EVC: variants seen among roughly 807,000 people sequenced by gnomAD.
EVC encodes the protein EvC ciliary complex subunit 1, also known as evC complex member EVC.
EVC carries 116 observed loss-of-function variants against 118.9 expected under a neutral mutation model. The ratio of observed to expected loss-of-function variants is 0.98; its 90% CI spans 0.84 to 1.14. The LOEUF is 1.14. Ranked by LOEUF, EVC falls within the 50% of genes most tolerant of loss-of-function variation. The pLI is 0.00. For synonymous variants in EVC, 619 were observed against 534.7 expected, an observed-to-expected ratio of 1.16 and a Z score of -2.18; for missense variants, 1,401 against 1,246.4, an observed-to-expected ratio of 1.12 and a Z score of -1.87.
chr4:5,759,514 G>A (rs925574058), intron 11 of EVC, among the ~76,000 whole-genome samples: 1 of 152,172 alleles, frequency 6.6e-6, no homozygotes, highest in African/African-American at 2.4e-5. Flanking sequence ...GGCGGCGGGG[G>A]TGGTTTCAGC....
At chr4:5,776,090 A>G (rs956834753) in intron 11 of EVC, among the ~76,000 whole-genome samples, 6 of 152,024 alleles carry the variant, frequency 3.9e-5, no homozygotes, top group Admixed American at 2.0e-4. Flanking sequence ...TTTCTCATGC[A>G]TAGAAATTAA....
At chr4:5,769,650 G>T (rs1378275998) in intron 11 of EVC, among the ~76,000 whole-genome samples, 3 of 152,068 alleles carry the variant, frequency 2.0e-5, no homozygotes, top group African/African-American at 7.3e-5. Flanking sequence ...CATTCCAGGG[G>T]CCACACAGCC....
chr4:5,770,831 G>T (rs1292189123), intron 11 of EVC, among the ~76,000 whole-genome samples: 1 of 152,010 alleles, frequency 6.6e-6, no homozygotes, highest in South Asian at 2.1e-4. Context: ...GGCCAACATG[G>T]CAAAACCCCA....
At chr4:5,758,227 G>A in intron 11 of EVC, 1 of 676,090 alleles carries the variant, frequency 1.5e-6, no homozygotes, top group Non-Finnish European at 2.7e-6. Context: ...AGAGCCTTTG[G>A]AGGGGGCGAG....
chr4:5,817,510 C>T (rs551874032), downstream of EVC, among the ~76,000 whole-genome samples: 140 of 152,284 alleles, frequency 9.2e-4, no homozygotes, highest in Non-Finnish European at 1.4e-3. Context: ...GCACCAGGGC[C>T]CCTGTGTCTT....
Position 5,751,188 on chromosome 4 carries a change from A to C in EVC, c.1099-1648A>C, listed in dbSNP as rs556298710. Among the ~76,000 whole-genome samples the C allele has an allele frequency of 1.1e-4, 17 of 152,270 alleles. No individual in the cohort carries two copies. In the East Asian group the frequency reaches 2.5e-3, roughly 23 times the overall value. ...TTTTGACTTACTTAATCCTCATGTC[A>C]AATCTGTGTGGCAAGGGTCAGGTGA... On this transcript the variant is annotated intron_variant, in intron 8 of 20. Coordinates refer to ENST00000264956, the MANE Select transcript of EVC (RefSeq NM_153717.3).
At chr4:5,720,731 G>A (rs1299219106) in intron 2 of EVC, among the ~76,000 whole-genome samples, 1 of 152,196 alleles carries the variant, frequency 6.6e-6, no homozygotes, top group African/African-American at 2.4e-5. Context: ...GGAAGCCTCT[G>A]CTGCTATCCC....
In EVC at chr4:5,711,216, A is replaced by C. The variant is rs1200577822; in HGVS notation, c.-165A>C. On this transcript the variant is annotated 5_prime_UTR_variant, in exon 1 of 21. Coordinates refer to ENST00000264956, the MANE Select transcript of EVC (RefSeq NM_153717.3). Reference sequence around the variant, plus strand: ...GCTCCTCCCTCCGGCTCGGCGAAGCAGGGAAGGGGAGAGAAGCAGGAGTCG... The same window carrying C: ...GCTCCTCCCTCCGGCTCGGCGAAGCCGGGAAGGGGAGAGAAGCAGGAGTCG... The C allele has an allele frequency of 6.5e-6, 2 of 308,608 alleles. No individual in the cohort carries two copies. The highest frequency in any genetic ancestry group is 1.2e-4 in the South Asian group (1 of 8,078). The allele number at this position is 308,608 out of a possible 1,614,324, so 19.1% of individuals were successfully genotyped here.
intron 14 of EVC, chr4:5,797,455 G>C: frequency 1.7e-6 from 1 of 603,992 alleles, no homozygotes; most frequent in South Asian, 1.9e-5. Flanking sequence ...TCGGAGATCA[G>C]GGTGTGGGCA....
At chr4:5,791,644 A>G (rs1026685119) in intron 12 of EVC, among the ~76,000 whole-genome samples, 1 of 152,180 alleles carries the variant, frequency 6.6e-6, no homozygotes, top group Non-Finnish European at 1.5e-5. Context: ...AGAAAAGAAT[A>G]GCCCCTCCCA....
At chr4:5,793,783 T>C in intron 13 of EVC, 66 bp downstream of exon 13, 3 of 1,272,102 alleles carry the variant, frequency 2.4e-6, no homozygotes, top group East Asian at 2.5e-5. Context: ...AGCCTCAGTG[T>C]CCTCATCTGT....
At chr4:5,821,709 A>T in the EVC span, 2 of 1,512,226 alleles carry the variant, frequency 1.3e-6, no homozygotes, top group South Asian at 1.2e-5. The surrounding 1 kb of genome is among the most constrained non-coding windows in gnomAD (Gnocchi z 4.4). Context: ...AGGAAAAGGG[A>T]TGGACATGAT....
rs372212939 is a variant in EVC, at chr4:5,800,444, AG to A, written c.2305-1505del. 4.3e-3 allele frequency among the ~76,000 whole-genome samples: 652 copies of A among 152,308 alleles called. 9 individuals carry two copies. The highest frequency in any genetic ancestry group is 0.015 in the African/African-American group (625 of 41,564). On this transcript the variant is annotated intron_variant, in intron 15 of 20. Transcript: ENST00000264956. ...GTATTCAGGGGCTTCCTGGAACACT[AG>A]TGCAAATGTGTGTGCCAGTGGGTAC...
intron 3 of EVC, among the ~76,000 whole-genome samples, chr4:5,729,817 C>A (rs192215953): frequency 1.3e-5 from 2 of 152,222 alleles, no homozygotes; most frequent in Admixed American, 1.3e-4. Flanking sequence ...TGGTGTTATG[C>A]CTATCAGGTA....
chr4:5,778,271 C>T (rs1242305403), intron 11 of EVC, among the ~76,000 whole-genome samples: 2 of 151,898 alleles, frequency 1.3e-5, no homozygotes, highest in African/African-American at 4.9e-5. Flanking sequence ...CAAGTCTTTG[C>T]TATTGTGAAT....
chr4:5,816,398 A>G (rs1433233332), downstream of EVC, among the ~76,000 whole-genome samples: 1 of 152,170 alleles, frequency 6.6e-6, no homozygotes, highest in African/African-American at 2.4e-5. Flanking sequence ...CACTTCCTGC[A>G]GGGTGCTCCC....
rs187407969 is a variant in EVC at position 5,755,304 on chromosome 4, G to T, written c.1465-960G>T. On this transcript the variant is annotated intron_variant, in intron 10 of 20. Transcript: ENST00000264956. This position sits in a 1 kb window ranked among gnomAD's most constrained non-coding sequence, Gnocchi z 4.1. The stretch of plus-strand genomic sequence containing the variant: ...GTGACCTTGGTGTCCCAGGGCCTCG[G>T]TACAGTCCTCGGAACGCCTCAGCGC... 6.6e-6 allele frequency among the ~76,000 whole-genome samples: 1 copy of T among 152,170 alleles called. No individual in the cohort carries two copies. The highest frequency in any genetic ancestry group is 1.5e-5 in the Non-Finnish European group (1 of 68,028).
At chr4:5,827,671 CACACGTGCATGCATGT>C in the EVC span, among the ~76,000 whole-genome samples, 3 of 151,892 alleles carry the variant, frequency 2.0e-5, no homozygotes, top group African/African-American at 7.3e-5. Context: ...TGCACACATA[CACACGTGCATGCATGT>C]ACACATGCAC....
intron 2 of EVC, among the ~76,000 whole-genome samples, chr4:5,725,627 G>C (rs1725687632): frequency 6.6e-6 from 1 of 152,138 alleles, no homozygotes; most frequent in South Asian, 2.1e-4. Flanking sequence ...TTAGACCCTT[G>C]TCAGATGGGT....
Sources: gnomAD v4.1 joint callset for allele counts (sites outside exome capture counted in the v4.1 genomes callset) on GRCh38, gnomAD v4.1.1 for gene constraint, Gnocchi (gnomAD v3.1) non-coding constraint, MANE v1.5 for transcripts, NCBI Gene and HGNC (gene_info 2026-07-23, HGNC 2026-07-21) for gene names.